GUSB: variants seen among roughly 807,000 people sequenced by gnomAD.
GUSB encodes the protein beta-glucuronidase.
Under a neutral mutation model 74.6 loss-of-function variants are expected in GUSB, and 51 were observed. That is an observed-to-expected ratio of 0.68 (90% CI 0.55 to 0.86). The LOEUF (loss-of-function observed/expected upper bound fraction) is 0.86. Among genes scored for constraint, GUSB ranks in the 40% least tolerant of loss-of-function variants. GUSB has a pLI of 0.00. For synonymous variants in GUSB, 360 were observed against 348.3 expected (o/e 1.03, Z -0.37); for missense variants, 736 against 853.7 (o/e 0.86, Z 1.72).
In GUSB at chr7:65,980,254, C is replaced by T; in HGVS notation, c.366G>A (p.Arg122=). The change falls in exon 2 of 12, where the codon AGG becomes AGA. Residue 122 remains arginine, a synonymous_variant. Coordinates refer to ENST00000304895, the MANE Select transcript of GUSB (RefSeq NM_000181.4). ...TGGCATAGGAATGGGCACTGCCAAT[C>T]CTCAGCACCACTCTTGTGCGCAGGT... ...TQDLRTRVVL[R]IGSAHSYAIV... is the part of the protein sequence containing the mutation. 2 of 1,586,884 alleles carry T rather than the reference C, an allele frequency of 1.3e-6. No individual in the cohort carries two copies. The highest frequency in any genetic ancestry group is 1.4e-5 in the African/African-American group (1 of 73,364).
chr7:65,972,857 GGCC>G (rs1791305768), intron 8 of GUSB, among the ~76,000 whole-genome samples: 1 of 152,138 alleles, frequency 6.6e-6, no homozygotes, highest in Non-Finnish European at 1.5e-5. Context: ...AATTGTCCTT[GGCC>G]CAGGCTGCAA....
chr7:65,979,781 A>G lies in GUSB; in HGVS notation c.527T>C (p.Leu176Pro). 6.2e-7 allele frequency: 1 copy of G among 1,613,668 alleles called. No individual in the cohort carries two copies. Among genetic ancestry groups the G allele is most frequent in the Non-Finnish European group, 8.5e-7 (1 of 1,179,960 alleles). Residue 176 changes from leucine to proline, a missense_variant, in exon 3 of 12, where the codon CTC becomes CCC. By Grantham distance (98) the Leu-to-Pro change is moderately conservative (BLOSUM62 -3). Around this residue, in one of 2 missense-constraint regions of GUSB, gnomAD observed 368 missense variants for 363.8 expected, o/e 1.01. Transcript: ENST00000304895. Reference protein sequence around the residue: ...LRITIAINNTLTPTTLPPGTI... With the variant: ...LRITIAINNTPTPTTLPPGTI... ...CCCTGGTGGCAGGGTGGTGGGGGTG[A>G]GTGTGTTGTTGATGGCGATAGTGAT...
chr7:65,981,531 C>T (rs993096926), intron 1 of GUSB, among the ~76,000 whole-genome samples: 5 of 150,758 alleles, frequency 3.3e-5, no homozygotes, highest in Non-Finnish European at 5.9e-5. Flanking sequence ...GCCACCGAGC[C>T]CAGATAATTT....
At chr7:65,980,843 T>C (rs1475979992) in intron 1 of GUSB, 2 of 274,320 alleles carry the variant, frequency 7.3e-6, no homozygotes, top group Non-Finnish European at 1.5e-5. Flanking sequence ...TGCTGCAAAG[T>C]CAGAATAAGA....
chr7:65,974,398 T>C lies in GUSB; in HGVS notation c.1288A>G (p.Met430Val), dbSNP rs768428238. 2 of 1,614,118 alleles carry C rather than the reference T, an allele frequency of 1.2e-6. No individual in the cohort carries two copies. Among genetic ancestry groups the C allele is most frequent in the Admixed American group, 3.3e-5 (2 of 60,016 alleles). The change falls in exon 8 of 12, where the codon ATG becomes GTG. Residue 430 changes from methionine (M) to valine (V), a missense_variant. This residue lies in a region of GUSB where 368 missense variants were observed against 489.9 expected (regional missense o/e 0.75). Coordinates refer to ENST00000304895, the MANE Select transcript of GUSB (RefSeq NM_000181.4). ...NVSLHHHMQV[M>V]EEVVRRDKNH... is the part of the protein sequence containing the mutation. Reference sequence around the variant, plus strand: ...TTGTCCCTACGCACCACTTCTTCCATCACCTGCATGTGGTGATGCAGAGAA... The same window carrying C: ...TTGTCCCTACGCACCACTTCTTCCACCACCTGCATGTGGTGATGCAGAGAA...
chr7:65,976,555 C>T (rs181764572), intron 4 of GUSB, among the ~76,000 whole-genome samples: 259 of 151,992 alleles, frequency 1.7e-3, no homozygotes, highest in African/African-American at 5.9e-3. Context: ...GAACCCCTGA[C>T]CTCAGGTGAT....
chr7:65,971,517 A>T (rs1791209361), intron 8 of GUSB, among the ~76,000 whole-genome samples: 1 of 152,182 alleles, frequency 6.6e-6, no homozygotes, highest in South Asian at 2.1e-4. Context: ...TCATGAGGTC[A>T]AGAGTTTGAG....
intron 11 of GUSB, among the ~76,000 whole-genome samples, chr7:65,962,328 G>C (rs1308077011): frequency 2.0e-5 from 3 of 152,208 alleles, no homozygotes; most frequent in Non-Finnish European, 4.4e-5. Flanking sequence ...TGTCAGGGCT[G>C]TGCTCTCAGG....
At chr7:65,974,485 C>G in intron 7 of GUSB, 41 bp downstream of exon 7, 1 of 1,614,080 alleles carries the variant, frequency 6.2e-7, no homozygotes, top group Non-Finnish European at 8.5e-7. Flanking sequence ...GGTGACGCCC[C>G]CGGGCTGGGC....
intron 9 of GUSB, 80 bp from the exon 10 acceptor site, chr7:65,967,987 G>A: frequency 8.5e-7 from 1 of 1,180,004 alleles, no homozygotes; most frequent in Non-Finnish European, 1.2e-6. Flanking sequence ...GGGCTCCTCT[G>A]GCAGAGAAGG....
At chr7:65,979,613 G>A (rs1791846804) in intron 3 of GUSB, 72 bp from the exon 4 acceptor site, 1 of 1,598,490 alleles carries the variant, frequency 6.3e-7, no homozygotes, top group Non-Finnish European at 8.6e-7. Flanking sequence ...AGGCCTCCCT[G>A]GCCTCCCCAG....
In GUSB at chr7:65,980,302, G is replaced by C. The variant is rs1453765710; in HGVS notation, c.318C>G (p.Ile106Met). 6.2e-7 allele frequency: 1 copy of C among 1,613,574 alleles called. No individual in the cohort carries two copies. The highest frequency in any genetic ancestry group is 8.5e-7 in the Non-Finnish European group (1 of 1,179,836). ...GGTCCTGGGTCCATCGCTCCGGCAG[G>C]ATCACCTCCCGTTCGTACCACACCC... ...VGWVWYEREV[I>M]LPERWTQDLR... The change falls in exon 2 of 12, where the codon ATC becomes ATG. Residue 106 changes from isoleucine to methionine, a missense_variant. Around this residue, in one of 2 missense-constraint regions of GUSB, gnomAD observed 368 missense variants for 363.8 expected, o/e 1.01. Coordinates refer to ENST00000304895, the MANE Select transcript of GUSB (RefSeq NM_000181.4).
chr7:65,962,488 C>T (rs1790562436), intron 11 of GUSB, among the ~76,000 whole-genome samples: 1 of 152,202 alleles, frequency 6.6e-6, no homozygotes, highest in South Asian at 2.1e-4. Context: ...ACGACACCAA[C>T]AAGGAGGTGG....
chr7:65,964,414 T>C lies in GUSB; in HGVS notation c.1698A>G (p.Leu566=), dbSNP rs1293724061. ...GATCCAGACCCAGATGGTACTGCTCTAGCAGACTTTTCTGGTACTCTTCAG... is the reference window on the plus strand; with the variant it reads ...GATCCAGACCCAGATGGTACTGCTCCAGCAGACTTTTCTGGTACTCTTCAG... ...MFTEEYQKSL[L]EQYHLGLDQK... The change falls in exon 11 of 12, where the codon CTA becomes CTG. Residue 566 remains leucine, a synonymous_variant. Coordinates refer to ENST00000304895, the MANE Select transcript of GUSB (RefSeq NM_000181.4). 1 of 1,610,372 alleles carries C rather than the reference T, an allele frequency of 6.2e-7. No homozygotes were observed. Among genetic ancestry groups the C allele is most frequent in the African/African-American group, 1.3e-5 (1 of 74,834 alleles).
At chr7:65,975,242 C>G (rs1791491470) in intron 5 of GUSB, 171 bp from the exon 6 acceptor site, 1 of 655,764 alleles carries the variant, frequency 1.5e-6, no homozygotes, top group Middle Eastern at 4.1e-4. Flanking sequence ...GGAACCTGCC[C>G]TTCAAAACAT....
chr7:65,977,112 G>C (rs1415469474), intron 4 of GUSB, among the ~76,000 whole-genome samples: 1 of 152,112 alleles, frequency 6.6e-6, no homozygotes, highest in Non-Finnish European at 1.5e-5. Context: ...AATAATCGGT[G>C]CTGTCTCATC....
At chr7:65,968,363 G>A (rs1458888505) in intron 9 of GUSB, among the ~76,000 whole-genome samples, 4 of 152,130 alleles carry the variant, frequency 2.6e-5, no homozygotes, top group Non-Finnish European at 5.9e-5. Flanking sequence ...TGGCCCAGAG[G>A]AGGTAGGCCT....
chr7:65,968,495 C>A (rs1790989875), intron 9 of GUSB, among the ~76,000 whole-genome samples: 1 of 152,214 alleles, frequency 6.6e-6, no homozygotes, highest in Admixed American at 6.5e-5. Flanking sequence ...TGACTCCTCT[C>A]CAGGCAGCAC....
At chr7:65,975,848 CAAAA>C (rs112120049) in intron 5 of GUSB, 163 bp downstream of exon 5, 1,253 of 433,750 alleles carry the variant, frequency 2.9e-3, no homozygotes, top group East Asian at 5.1e-3. Flanking sequence ...GAGACCATCT[CAAAA>C]AAAAAAAAAA....
Sources: gnomAD v4.1 joint callset for allele counts (sites outside exome capture counted in the v4.1 genomes callset) on GRCh38, gnomAD v4.1.1 for gene constraint, gnomAD v4.1.1 regional missense constraint, MANE v1.5 for transcripts, NCBI Gene and HGNC (gene_info 2026-07-23, HGNC 2026-07-21) for gene names.